The following REDIC1 variants were observed in gnomAD, a reference collection of about 807,000 sequenced individuals.
The protein encoded by REDIC1 is regulator of DNA class I crossover intermediates 1.
At chr12:39,701,586 G>A in the REDIC1 span, among the ~76,000 whole-genome samples, 1 of 152,050 alleles carries the variant, frequency 6.6e-6, no homozygotes, top group Non-Finnish European at 1.5e-5. Flanking sequence ...GCACCAAGCA[G>A]ACCTAATAGA....
chr12:39,800,065 T>C, the REDIC1 span, among the ~76,000 whole-genome samples: 2 of 152,190 alleles, frequency 1.3e-5, no homozygotes, highest in Non-Finnish European at 2.9e-5. Context: ...GTAATGTTTA[T>C]TGTGATAGCT....
At chr12:39,729,734 G>T in the REDIC1 span, among the ~76,000 whole-genome samples, 3 of 152,170 alleles carry the variant, frequency 2.0e-5, no homozygotes, top group Non-Finnish European at 4.4e-5. Flanking sequence ...CTGTCTTGTT[G>T]ATCTGTCTAA....
At chr12:39,851,657 A>G in the REDIC1 span, among the ~76,000 whole-genome samples, 1 of 152,176 alleles carries the variant, frequency 6.6e-6, no homozygotes, top group Non-Finnish European at 1.5e-5. Flanking sequence ...CACATAGGAA[A>G]ACACCAATTA....
chr12:39,860,478 A>ATTC, the REDIC1 span, among the ~76,000 whole-genome samples: 2 of 152,194 alleles, frequency 1.3e-5, no homozygotes, highest in African/African-American at 4.8e-5. Context: ...ATGGATAATA[A>ATTC]TTCTTCATTC....
At chr12:39,641,461 T>C in the REDIC1 span, among the ~76,000 whole-genome samples, 2 of 151,684 alleles carry the variant, frequency 1.3e-5, no homozygotes, top group African/African-American at 2.4e-5. Context: ...TGGGTCATTG[T>C]TATGCTGAAA....
the REDIC1 span, among the ~76,000 whole-genome samples, chr12:39,864,267 G>T: frequency 6.6e-6 from 1 of 152,110 alleles, no homozygotes; most frequent in Admixed American, 6.5e-5. Context: ...TTTACTTCCT[G>T]ATCCTCTGAA....
the REDIC1 span, among the ~76,000 whole-genome samples, chr12:39,765,256 A>T: frequency 6.6e-6 from 1 of 152,070 alleles, no homozygotes; most frequent in African/African-American, 2.4e-5. Flanking sequence ...TGGGGATAAT[A>T]CTTTGTAGAC....
At chr12:39,829,392 CTTTTTTTTTTT>C in the REDIC1 span, 4 of 65,796 alleles carry the variant, frequency 6.1e-5, no homozygotes, top group Non-Finnish European at 1.0e-4. Flanking sequence ...GATAGTAATT[CTTTTTTTTTTT>C]TTTTTTTTTT....
At chr12:39,693,312 G>A in the REDIC1 span, among the ~76,000 whole-genome samples, 1 of 151,662 alleles carries the variant, frequency 6.6e-6, no homozygotes, top group Non-Finnish European at 1.5e-5. Context: ...CTAGTCTGAT[G>A]GAATACCTTG....
the REDIC1 span, among the ~76,000 whole-genome samples, chr12:39,811,062 T>C: frequency 6.6e-6 from 1 of 152,060 alleles, no homozygotes; most frequent in Admixed American, 6.5e-5. Context: ...TGTGGGGAGA[T>C]TTTTAATACA....
the REDIC1 span, among the ~76,000 whole-genome samples, chr12:39,762,715 C>T: frequency 6.6e-6 from 1 of 151,916 alleles, no homozygotes; most frequent in Non-Finnish European, 1.5e-5. Flanking sequence ...CTTACATAAA[C>T]CAGTAACATG....
At chr12:39,691,920 A>C in the REDIC1 span, 3 of 786,192 alleles carry the variant, frequency 3.8e-6, no homozygotes, top group African/African-American at 5.5e-5. Context: ...GTTTAAAAAT[A>C]AACCATGTTG....
the REDIC1 span, among the ~76,000 whole-genome samples, chr12:39,731,828 TTTC>T: frequency 7.8e-5 from 1 of 12,884 alleles, no homozygotes; most frequent in East Asian, 4.5e-3. Context: ...TTCTGCTGCC[TTTC>T]TTTTTTTTTT....
At chr12:39,704,083 T>G in the REDIC1 span, among the ~76,000 whole-genome samples, 1 of 152,010 alleles carries the variant, frequency 6.6e-6, no homozygotes, top group Non-Finnish European at 1.5e-5. Flanking sequence ...GCGATCTAAT[T>G]AAAGTAAAGA....
At chr12:39,864,117 C>T in the REDIC1 span, among the ~76,000 whole-genome samples, 1 of 152,182 alleles carries the variant, frequency 6.6e-6, no homozygotes, top group African/African-American at 2.4e-5. Context: ...CTCAAAGTTT[C>T]ATTTATGTGT....
chr12:39,775,478 C>G, the REDIC1 span, among the ~76,000 whole-genome samples: 14 of 152,302 alleles, frequency 9.2e-5, no homozygotes, highest in African/African-American at 3.1e-4. Context: ...TCAGAGGAGC[C>G]CTGAACTCTG....
the REDIC1 span, among the ~76,000 whole-genome samples, chr12:39,803,670 T>G: frequency 6.6e-6 from 1 of 152,050 alleles, no homozygotes; most frequent in Non-Finnish European, 1.5e-5. Flanking sequence ...ACTGGATGAA[T>G]GATCTGAATA....
At chr12:39,768,105 C>T in the REDIC1 span, among the ~76,000 whole-genome samples, 148,013 of 152,216 alleles carry the variant, frequency 0.97, 71,964 homozygotes, top group East Asian at 1. Flanking sequence ...CACCTTGCAA[C>T]AAGGTGTGAA....
At chr12:39,741,031 A>G in the REDIC1 span, among the ~76,000 whole-genome samples, 1 of 152,066 alleles carries the variant, frequency 6.6e-6, no homozygotes, top group East Asian at 1.9e-4. Context: ...CAGTGGTGCA[A>G]TCTCGGCTCA....
Sources: allele counts gnomAD v4.1 joint callset (sites outside exome capture counted in the v4.1 genomes callset), GRCh38; gene constraint gnomAD v4.1.1; transcripts MANE v1.5; gene names NCBI Gene and HGNC (gene_info 2026-07-23, HGNC 2026-07-21).